Variants in KCNU1 observed in about 807,000 individuals in gnomAD.
The protein encoded by KCNU1 is potassium calcium-activated channel subfamily U member 1.
In KCNU1, 93 loss-of-function variants were observed where a neutral mutation model predicts 126.8. The observed-to-expected ratio is 0.73, with a 90% CI of 0.62 to 0.87. The LOEUF (loss-of-function observed/expected upper bound fraction) is 0.87, where lower values mean the gene tolerates loss of function less well. Ranked by LOEUF, KCNU1 falls within the 40% of genes least tolerant of loss-of-function variation. KCNU1 has a pLI of 0.00. For synonymous variants in KCNU1, 523 were observed against 494.2 expected, an observed-to-expected ratio of 1.06 and a Z score of -0.77; for missense variants, 1,330 against 1,367.1, an observed-to-expected ratio of 0.97 and a Z score of 0.43.
chr8:36,789,249 A>G (rs1007211587), intron 2 of KCNU1, among the ~76,000 whole-genome samples: 1 of 152,056 alleles, frequency 6.6e-6, no homozygotes, highest in African/African-American at 2.4e-5. Flanking sequence ...CCACCTACTC[A>G]GGAGGCTGCG....
At chr8:36,827,619 T>C (rs1371623451) in intron 10 of KCNU1, among the ~76,000 whole-genome samples, 1 of 152,090 alleles carries the variant, frequency 6.6e-6, no homozygotes, top group Non-Finnish European at 1.5e-5. Flanking sequence ...CAGGAGGGAG[T>C]TGGCTGAAGT....
intron 1 of KCNU1, among the ~76,000 whole-genome samples, chr8:36,784,955 T>C (rs560754863): frequency 1.3e-5 from 2 of 152,322 alleles, no homozygotes; most frequent in East Asian, 3.9e-4. Context: ...TGCTAGGTCA[T>C]AGAAAGGAGG....
intron 26 of KCNU1, among the ~76,000 whole-genome samples, 189 bp from the exon 27 acceptor site, chr8:36,935,326 C>T (rs576273634): frequency 5.9e-5 from 9 of 152,126 alleles, no homozygotes; most frequent in Non-Finnish European, 1.2e-4. Context: ...AGAACCTCTC[C>T]TCTTGCACTG....
At chr8:36,888,703 C>T (rs527719713) in intron 19 of KCNU1, 4 of 534,396 alleles carry the variant, frequency 7.5e-6, no homozygotes, top group Non-Finnish European at 1.5e-5. Flanking sequence ...TTGTTACAAA[C>T]CATCACTTGC....
At chr8:36,933,150 C>T in intron 26 of KCNU1, 118 bp downstream of exon 26, 2 of 636,424 alleles carry the variant, frequency 3.1e-6, no homozygotes, top group South Asian at 2.1e-5. Context: ...AGGAAGGGTG[C>T]ATGGGAAATA....
chr8:36,792,800 G>T (rs1481429980), intron 2 of KCNU1, among the ~76,000 whole-genome samples: 1 of 152,096 alleles, frequency 6.6e-6, no homozygotes, highest in Non-Finnish European at 1.5e-5. Flanking sequence ...GAGTTAATAA[G>T]TGTAAAATAT....
At chr8:36,884,182 A>T (rs553027780) in intron 19 of KCNU1, among the ~76,000 whole-genome samples, 2 of 151,002 alleles carry the variant, frequency 1.3e-5, no homozygotes, top group African/African-American at 4.9e-5. Context: ...GATAAGTTTC[A>T]TAATTAGGTT....
chr8:36,806,527 A>G, intron 5 of KCNU1, 147 bp downstream of exon 5: 1 of 577,664 alleles, frequency 1.7e-6, no homozygotes, highest in East Asian at 3.0e-5. Flanking sequence ...TTTGTCATAC[A>G]CTTGCAGAAA....
chr8:36,876,754 A>G (rs1263401691), intron 19 of KCNU1, among the ~76,000 whole-genome samples: 3 of 152,180 alleles, frequency 2.0e-5, no homozygotes, highest in Non-Finnish European at 4.4e-5. Context: ...AGAAGAGATG[A>G]AACAGTACTT....
chr8:36,785,631 G>A (rs1462023996), intron 1 of KCNU1, among the ~76,000 whole-genome samples: 1 of 152,150 alleles, frequency 6.6e-6, no homozygotes, highest in Non-Finnish European at 1.5e-5. Flanking sequence ...ATTTTAAGCT[G>A]TGGCACAATA....
At chr8:36,860,548 C>G (rs1322418735) in intron 18 of KCNU1, among the ~76,000 whole-genome samples, 2 of 152,150 alleles carry the variant, frequency 1.3e-5, no homozygotes, top group African/African-American at 2.4e-5. Flanking sequence ...TTCTTCATTG[C>G]AGTTTCTAAC....
At chr8:36,901,722 C>G (rs533220513) in intron 19 of KCNU1, among the ~76,000 whole-genome samples, 2 of 152,104 alleles carry the variant, frequency 1.3e-5, no homozygotes, top group Admixed American at 6.5e-5. Context: ...AAATACAACA[C>G]GCTGTTGCTT....
intron 19 of KCNU1, among the ~76,000 whole-genome samples, chr8:36,890,031 T>C (rs1459748402): frequency 6.6e-6 from 1 of 152,016 alleles, no homozygotes; most frequent in Non-Finnish European, 1.5e-5. Flanking sequence ...TCTTCAAAAT[T>C]GAAGGAAACA....
At chr8:36,817,249 C>T (rs1421835672) in intron 9 of KCNU1, among the ~76,000 whole-genome samples, 1 of 151,898 alleles carries the variant, frequency 6.6e-6, no homozygotes, top group African/African-American at 2.4e-5. Flanking sequence ...CCTGTAATCC[C>T]AGCATTTTGG....
intron 18 of KCNU1, among the ~76,000 whole-genome samples, chr8:36,860,448 T>C (rs1284500805): frequency 6.6e-6 from 1 of 152,182 alleles, no homozygotes; most frequent in Non-Finnish European, 1.5e-5. Context: ...GGAGGAATAA[T>C]TGTCTTTCTG....
chr8:36,785,477 A>G (rs942375415), intron 1 of KCNU1, among the ~76,000 whole-genome samples: 4 of 152,228 alleles, frequency 2.6e-5, no homozygotes, highest in African/African-American at 9.6e-5. Flanking sequence ...AAACCTACAT[A>G]AAATATAATT....
intron 14 of KCNU1, among the ~76,000 whole-genome samples, chr8:36,838,497 C>T (rs1585438998): frequency 6.6e-6 from 1 of 152,014 alleles, no homozygotes; most frequent in African/African-American, 2.4e-5. Flanking sequence ...TTGAGACCAA[C>T]CTTGCCAACG....
chr8:36,904,904 A>T (rs1205948505), intron 19 of KCNU1, among the ~76,000 whole-genome samples: 1 of 151,996 alleles, frequency 6.6e-6, no homozygotes, highest in African/African-American at 2.4e-5. Flanking sequence ...GGCCCTGGGG[A>T]TGTTGAGGTT....
chr8:36,894,629 A>G (rs1193360849), intron 19 of KCNU1, among the ~76,000 whole-genome samples: 6 of 152,116 alleles, frequency 3.9e-5, no homozygotes, highest in Non-Finnish European at 7.4e-5. Context: ...CAGCTTAGTT[A>G]TTATTTATTC....
Sources: gnomAD v4.1 joint callset for allele counts (sites outside exome capture counted in the v4.1 genomes callset) on GRCh38, gnomAD v4.1.1 for gene constraint, MANE v1.5 for transcripts, NCBI Gene and HGNC (gene_info 2026-07-23, HGNC 2026-07-21) for gene names.